Variants in DAPP1 observed in about 807,000 individuals in gnomAD.
The protein encoded by DAPP1 is dual adaptor of phosphotyrosine and 3-phosphoinositides 1.
DAPP1 carries 20 observed loss-of-function variants against 41.5 expected under a neutral mutation model. The ratio of observed to expected loss-of-function variants is 0.48; its 90% confidence interval spans 0.34 to 0.70. The LOEUF (loss-of-function observed/expected upper bound fraction) is 0.70, where lower values mean the gene tolerates loss of function less well. DAPP1 is among the 30% of genes least tolerant of loss of function. The pLI, the probability that DAPP1 is intolerant of heterozygous loss-of-function variation, is 0.01. For missense variants in DAPP1, 233 were observed against 333.4 expected, an observed-to-expected ratio of 0.70 and a Z score of 2.35; for synonymous variants, 113 against 116.2, an observed-to-expected ratio of 0.97 and a Z score of 0.18.
intron 1 of DAPP1, among the ~76,000 whole-genome samples, chr4:99,820,172 G>A (rs559839339): frequency 6.6e-6 from 1 of 152,312 alleles, no homozygotes; most frequent in African/African-American, 2.4e-5. Flanking sequence ...AGGGTGTGGA[G>A]AATCAGGGGA....
chr4:99,868,096 C>A, intron 8 of DAPP1, 21 bp from the exon 9 acceptor site: 3 of 1,604,876 alleles, frequency 1.9e-6, no homozygotes, highest in Non-Finnish European at 2.6e-6. Flanking sequence ...AATGGATACA[C>A]GTGTGTGTAC....
rs568125474 is a variant in DAPP1, at chr4:99,829,958, A to ATT, written c.102-5664_102-5663insTT. On this transcript the variant is annotated intron_variant, in intron 1 of 8. Transcript: ENST00000512369. ...TGTAATTTGCGATTTCTCATTTTAAATAAATATTCCTTTCTTTTTTGTAAT... is the reference window on the plus strand; with the variant it reads ...TGTAATTTGCGATTTCTCATTTTAAATTTAAATATTCCTTTCTTTTTTGTAAT... 4.0e-3 allele frequency among the ~76,000 whole-genome samples: 603 copies of ATT among 152,360 alleles called. 5 individuals are homozygous for ATT. The highest frequency in any genetic ancestry group is 0.014 in the African/African-American group (568 of 41,580).
At chr4:99,859,791 G>A (rs1211457948) in intron 4 of DAPP1, among the ~76,000 whole-genome samples, 1 of 152,170 alleles carries the variant, frequency 6.6e-6, no homozygotes, top group East Asian at 1.9e-4. Context: ...TGCAGTAGCT[G>A]CCACCTCCAC....
At chr4:99,847,188 T>C (rs116439364) in intron 3 of DAPP1, among the ~76,000 whole-genome samples, 182 of 152,360 alleles carry the variant, frequency 1.2e-3, no homozygotes, top group African/African-American at 3.8e-3. Flanking sequence ...CTGGGGTACC[T>C]GATGAATAAG....
intron 3 of DAPP1, among the ~76,000 whole-genome samples, chr4:99,845,141 G>T (rs1222615587): frequency 6.6e-6 from 1 of 152,146 alleles, no homozygotes; most frequent in Non-Finnish European, 1.5e-5. Context: ...TGCATACAAC[G>T]GTCCTATTTT....
chr4:99,835,133 C>T (rs151056217), intron 1 of DAPP1, among the ~76,000 whole-genome samples: 13,093 of 151,842 alleles, frequency 0.086, 726 homozygotes, highest in Middle Eastern at 0.16. Context: ...CTCAGCCTCC[C>T]GAGTAGCTGG....
chr4:99,839,419 G>GATCT (rs1553939491), intron 2 of DAPP1, among the ~76,000 whole-genome samples: 1 of 148,278 alleles, frequency 6.7e-6, no homozygotes, highest in Admixed American at 6.8e-5. Context: ...TATATATATA[G>GATCT]ATATATATAT....
At chr4:99,827,565 A>AAAAAAAAAAAAAAAAAAC (rs1722980502) in intron 1 of DAPP1, among the ~76,000 whole-genome samples, 1 of 151,712 alleles carries the variant, frequency 6.6e-6, no homozygotes, top group Admixed American at 6.6e-5. Context: ...AAAACAAAAA[A>AAAAAAAAAAAAAAAAAAC]CACCATCACA....
chr4:99,831,880 T>C (rs148683857), intron 1 of DAPP1, among the ~76,000 whole-genome samples: 3,502 of 152,294 alleles, frequency 0.023, 56 homozygotes, highest in Middle Eastern at 0.034. Context: ...ATCTTTCCTC[T>C]TCTGAAAAAC....
chr4:99,861,083 T>G (rs1724220284), intron 4 of DAPP1, among the ~76,000 whole-genome samples: 1 of 152,096 alleles, frequency 6.6e-6, no homozygotes, highest in South Asian at 2.1e-4. Context: ...GGGAGGAGGA[T>G]TATGTGATAA....
intron 1 of DAPP1, 121 bp from the exon 2 acceptor site, chr4:99,835,502 T>C: frequency 1.4e-6 from 2 of 1,413,046 alleles, no homozygotes; most frequent in Non-Finnish European, 1.9e-6. Context: ...GGCTGAGAGC[T>C]GGGTCTCTGG....
intron 7 of DAPP1, 64 bp from the exon 8 acceptor site, chr4:99,865,970 A>AATATAAATAT (rs1553942239): frequency 1.3e-5 from 1 of 77,578 alleles, no homozygotes; most frequent in Non-Finnish European, 2.5e-5. Context: ...TATATATTAT[A>AATATAAATAT]TATATATATA....
At chr4:99,838,534 T>C (rs1723379076) in intron 2 of DAPP1, among the ~76,000 whole-genome samples, 1 of 152,148 alleles carries the variant, frequency 6.6e-6, no homozygotes, top group Non-Finnish European at 1.5e-5. Context: ...CCTCAGATCA[T>C]CAGGTATTAG....
intron 1 of DAPP1, among the ~76,000 whole-genome samples, chr4:99,825,542 C>T (rs571006222): frequency 8.6e-4 from 131 of 152,326 alleles, no homozygotes; most frequent in African/African-American, 3.0e-3. Flanking sequence ...TTTCTAAAGC[C>T]TGGGGCAGCT....
intron 1 of DAPP1, among the ~76,000 whole-genome samples, chr4:99,828,822 C>A (rs1723028481): frequency 6.6e-6 from 1 of 152,094 alleles, no homozygotes; most frequent in South Asian, 2.1e-4. Context: ...CTTATAAACC[C>A]AGTACAAATA....
chr4:99,853,625 C>G (rs938096293), intron 4 of DAPP1, among the ~76,000 whole-genome samples: 3 of 152,088 alleles, frequency 2.0e-5, no homozygotes, highest in African/African-American at 7.2e-5. Flanking sequence ...AGTTGGAGAC[C>G]AGCCTGGGCA....
intron 3 of DAPP1, among the ~76,000 whole-genome samples, chr4:99,850,625 TC>T (rs1313953686): frequency 6.6e-6 from 1 of 152,152 alleles, no homozygotes; most frequent in Admixed American, 6.5e-5. Context: ...AGGCTTCAGT[TC>T]CCCTCTCCTC....
At chr4:99,820,146 G>A (rs1231514411) in intron 1 of DAPP1, among the ~76,000 whole-genome samples, 1 of 152,108 alleles carries the variant, frequency 6.6e-6, no homozygotes, top group Non-Finnish European at 1.5e-5. Flanking sequence ...GAGAGGTGTG[G>A]GGAGGGCAAG....
Position 99,837,888 on chromosome 4 carries a change from C to T in DAPP1, c.224+2143C>T, listed in dbSNP as rs181814113. Among the ~76,000 whole-genome samples the T allele has an allele frequency of 1.5e-3, 227 of 151,980 alleles. 1 individual carries two copies. Among genetic ancestry groups the T allele is most frequent in the Non-Finnish European group, 2.5e-3 (173 of 67,976 alleles). On this transcript the variant is annotated intron_variant, in intron 2 of 8. Coordinates refer to ENST00000512369, the MANE Select transcript of DAPP1 (RefSeq NM_014395.3). ...GGGGTGATGGGAGACAGTGACAGTT[C>T]GTCAGGCATTAGATTAACATCAGAG... is the stretch of plus-strand genomic sequence containing the variant.
Sources: gnomAD v4.1 joint callset for allele counts (sites outside exome capture counted in the v4.1 genomes callset) on GRCh38, gnomAD v4.1.1 for gene constraint, MANE v1.5 for transcripts, NCBI Gene and HGNC (gene_info 2026-07-23, HGNC 2026-07-21) for gene names.